Variants in RHBDL3 observed in about 807,000 individuals in gnomAD.
RHBDL3 encodes the protein rhomboid like 3.
RHBDL3 carries 28 observed loss-of-function variants against 48.2 expected under a neutral mutation model. The observed-to-expected ratio is 0.58, with a 90% CI of 0.43 to 0.80. The LOEUF (loss-of-function observed/expected upper bound fraction) is 0.80, where lower values mean the gene tolerates loss of function less well. Among genes scored for constraint, RHBDL3 ranks in the 30% least tolerant of loss-of-function variants. RHBDL3 has a pLI of 0.00. For missense variants in RHBDL3, 464 were observed against 542.7 expected (o/e 0.85, Z 1.44); for synonymous variants, 208 against 232.3 (o/e 0.90, Z 0.95).
At chr17:32,267,157 C>G (rs2039652376) in intron 1 of RHBDL3, among the ~76,000 whole-genome samples, 1 of 152,150 alleles carries the variant, frequency 6.6e-6, no homozygotes, top group South Asian at 2.1e-4. Flanking sequence ...CCAACCCACA[C>G]AACGAAAGCG....
chr17:32,315,240 A>C (rs933329490), intron 7 of RHBDL3, among the ~76,000 whole-genome samples: 4 of 152,166 alleles, frequency 2.6e-5, no homozygotes, highest in Admixed American at 6.5e-5. Context: ...GGGTGGTGGG[A>C]GGAAACCAAA....
At chr17:32,317,998 C>G (rs2041016402) in intron 8 of RHBDL3, among the ~76,000 whole-genome samples, 1 of 149,818 alleles carries the variant, frequency 6.7e-6, no homozygotes. Flanking sequence ...CGCTTGAGCC[C>G]AGGAGTTTAA....
intron 7 of RHBDL3, among the ~76,000 whole-genome samples, chr17:32,309,471 G>A (rs2040789204): frequency 6.6e-6 from 1 of 152,020 alleles, no homozygotes; most frequent in South Asian, 2.1e-4. Flanking sequence ...AGAATTGTTT[G>A]AACCCAGGAG....
chr17:32,283,368 C>T lies in RHBDL3; in HGVS notation c.136-1291C>T, dbSNP rs543612271. On this transcript the variant is annotated intron_variant, in intron 2 of 8. Coordinates refer to ENST00000269051, the MANE Select transcript of RHBDL3 (RefSeq NM_138328.3). ...ATGGAGTCTCGCTGTGTTGCCCAGGCTGGAGTGCAGTGGCGTGATCTCAGC... is the reference window on the plus strand; with the variant it reads ...ATGGAGTCTCGCTGTGTTGCCCAGGTTGGAGTGCAGTGGCGTGATCTCAGC... Among the ~76,000 whole-genome samples, 3 of 133,272 alleles carry T rather than the reference C, an allele frequency of 2.3e-5. No individual in the cohort carries two copies. In the South Asian group the frequency reaches 7.1e-4, roughly 31 times the overall value. 87.4% of individuals were successfully genotyped at this position (133,272 alleles called of 152,430 possible).
chr17:32,282,250 G>A (rs1193149143), intron 2 of RHBDL3, among the ~76,000 whole-genome samples: 3 of 152,204 alleles, frequency 2.0e-5, no homozygotes. Context: ...TTGGCTTGAA[G>A]GTGGGAGATA....
At chr17:32,292,251 T>C (rs1567775161) in intron 4 of RHBDL3, among the ~76,000 whole-genome samples, 1 of 152,108 alleles carries the variant, frequency 6.6e-6, no homozygotes, top group Non-Finnish European at 1.5e-5. Context: ...GGTGAGAATG[T>C]GGAGAAATTG....
rs554243580 is a variant in RHBDL3 at position 32,312,803 on chromosome 17, C to T, written c.883-3429C>T. 9.9e-5 allele frequency among the ~76,000 whole-genome samples: 15 copies of T among 152,122 alleles called. No individual in the cohort carries two copies. The East Asian group carries it at 2.9e-3, about 30-fold the overall frequency. ...AAAGTGCTGGGATTACAGGCCTGAG[C>T]CACCACACCTGGCCTGTTGTTTTTG... is the stretch of plus-strand genomic sequence containing the variant. On this transcript the variant is annotated intron_variant, in intron 7 of 8. Transcript: ENST00000269051.
intron 3 of RHBDL3, among the ~76,000 whole-genome samples, chr17:32,287,672 C>T (rs543708169): frequency 1.3e-5 from 2 of 152,274 alleles, no homozygotes; most frequent in Admixed American, 6.5e-5. Context: ...CCTGGTTTAC[C>T]TCACCAGCCC....
chr17:32,274,798 G>A (rs1395517909), intron 2 of RHBDL3, among the ~76,000 whole-genome samples: 1 of 117,206 alleles, frequency 8.5e-6, no homozygotes, highest in Non-Finnish European at 1.9e-5. Context: ...GTGTATATAT[G>A]TGTGCACGTG....
intron 7 of RHBDL3, among the ~76,000 whole-genome samples, chr17:32,306,068 A>G (rs1294055914): frequency 1.3e-5 from 2 of 152,212 alleles, no homozygotes; most frequent in Admixed American, 6.5e-5. Flanking sequence ...ACTTGTCCAA[A>G]GTCACAGTCA....
chr17:32,288,690 G>T, intron 3 of RHBDL3, 102 bp from the exon 4 acceptor site: 1 of 752,644 alleles, frequency 1.3e-6, no homozygotes, highest in Non-Finnish European at 2.2e-6. Context: ...AAAGGGAAAT[G>T]CGGGGTCAGG....
chr17:32,312,998 C>T lies in RHBDL3; in HGVS notation c.883-3234C>T, dbSNP rs539763744. 1.7e-3 allele frequency among the ~76,000 whole-genome samples: 265 copies of T among 152,106 alleles called. 4 individuals carry two copies. The highest frequency in any genetic ancestry group is 5.5e-3 in the African/African-American group (230 of 41,524). On this transcript the variant is annotated intron_variant, in intron 7 of 8. Transcript: ENST00000269051. Reference sequence around the variant, plus strand: ...CTAATTTTTTATAGAGGCAGGGTTTCGCCATGTTGCCCATGCTGGTCTCGA... The same window carrying T: ...CTAATTTTTTATAGAGGCAGGGTTTTGCCATGTTGCCCATGCTGGTCTCGA...
chr17:32,317,336 T>C (rs546779713), intron 8 of RHBDL3, among the ~76,000 whole-genome samples: 2 of 152,310 alleles, frequency 1.3e-5, no homozygotes, highest in African/African-American at 4.8e-5. Flanking sequence ...GCCAGAAAAA[T>C]ACATATATGT....
At position 32,305,370 on chromosome 17, in the gene RHBDL3, A is replaced by G. The variant is rs2082446980; in HGVS notation, c.811A>G (p.Thr271Ala). ...CTTGGCAGTGTCTGTGGCTGACATG[A>G]CCGCTCCAGTCGTGGGCTCTTCTGG... The part of the protein sequence containing the change: ...GSLAVSVADM[T>A]APVVGSSGGV... Residue 271 changes from threonine to alanine, a missense_variant, in exon 7 of 9, where the codon ACC (threonine) becomes GCC (alanine). Transcript: ENST00000269051. 6.2e-7 allele frequency: 1 copy of G among 1,613,560 alleles called. No individual in the cohort carries two copies. Among genetic ancestry groups the G allele is most frequent in the Admixed American group, 1.7e-5 (1 of 59,976 alleles).
chr17:32,312,623 T>C (rs2150750978), intron 7 of RHBDL3, among the ~76,000 whole-genome samples: 1 of 152,122 alleles, frequency 6.6e-6, no homozygotes, highest in South Asian at 2.1e-4. Flanking sequence ...GTTCAAGCAA[T>C]TCTTGTGCCT....
At position 32,284,751 on chromosome 17, in the gene RHBDL3, G is replaced by A; in HGVS notation, c.228G>A (p.Glu76=). ...CCAAGCTGGACCCGCACAAAAGGGA[G>A]GTCCTCCTGGCTCTTGCCGACAGCC... The part of the protein sequence containing the change: ...HSSKLDPHKR[E]VLLALADSHA... The change falls in exon 3 of 9, where the codon GAG becomes GAA. Residue 76 remains glutamate, a synonymous_variant. Coordinates refer to ENST00000269051, the MANE Select transcript of RHBDL3 (RefSeq NM_138328.3). 2 of 1,614,108 alleles carry A rather than the reference G, an allele frequency of 1.2e-6. No individual in the cohort carries two copies. The highest frequency in any genetic ancestry group is 8.5e-7 in the Non-Finnish European group (1 of 1,179,984).
chr17:32,267,344 C>G lies in RHBDL3; in HGVS notation c.112-558C>G, dbSNP rs564959022. ...CACCGCATTCGGCATTCACCACCCC[C>G]CCTTCCCCGCAAAAAAACAAAAAAC... is the stretch of plus-strand genomic sequence containing the variant. On this transcript the variant is annotated intron_variant, in intron 1 of 8. Transcript: ENST00000269051. Among the ~76,000 whole-genome samples the G allele has an allele frequency of 6.0e-5, 9 of 151,198 alleles. No individual in the cohort carries two copies. In the South Asian group the frequency reaches 6.2e-4, roughly 10 times the overall value.
chr17:32,302,761 G>A (rs559497312), intron 6 of RHBDL3, among the ~76,000 whole-genome samples: 43 of 152,186 alleles, frequency 2.8e-4, no homozygotes, highest in African/African-American at 9.6e-4. Flanking sequence ...CGGGACCCGA[G>A]CCGCGGCCCC....
At chr17:32,270,886 G>A (rs1052713901) in intron 2 of RHBDL3, among the ~76,000 whole-genome samples, 5 of 152,158 alleles carry the variant, frequency 3.3e-5, no homozygotes, top group Non-Finnish European at 7.3e-5. Context: ...TGTTGTTATA[G>A]TATAATATCG....
Sources: gnomAD v4.1 joint callset for allele counts (sites outside exome capture counted in the v4.1 genomes callset) on GRCh38, gnomAD v4.1.1 for gene constraint, MANE v1.5 for transcripts, NCBI Gene and HGNC (gene_info 2026-07-23, HGNC 2026-07-21) for gene names.